The following PCNX2 variants were observed in gnomAD, a reference collection of about 807,000 sequenced individuals.
The protein encoded by PCNX2 is pecanex 2, also known as pecanex-like protein 2.
PCNX2 carries 168 observed loss-of-function variants against 223.8 expected under a neutral mutation model. That is an observed-to-expected ratio of 0.75 (90% confidence interval 0.66 to 0.85). The LOEUF (loss-of-function observed/expected upper bound fraction) is 0.85. Among genes scored for constraint, PCNX2 ranks in the 40% least tolerant of loss-of-function variants. The probability of loss-of-function intolerance (pLI) is 0.00; values close to 1 mark genes in which losing one functional copy is unlikely to be tolerated. For missense variants in PCNX2, 2,507 were observed against 2,675.5 expected, an observed-to-expected ratio of 0.94 and a Z score of 1.39; for synonymous variants, 1,006 against 1,052.6, an observed-to-expected ratio of 0.96 and a Z score of 0.86.
intron 23 of PCNX2, among the ~76,000 whole-genome samples, chr1:233,064,745 C>T: frequency 6.6e-6 from 1 of 152,018 alleles, no homozygotes. Context: ...AGGAATTTTA[C>T]CATCTATCAT....
At chr1:233,179,622 T>C (rs1679680936) in intron 15 of PCNX2, among the ~76,000 whole-genome samples, 1 of 152,220 alleles carries the variant, frequency 6.6e-6, no homozygotes, top group Non-Finnish European at 1.5e-5. Context: ...ATAAAGATTG[T>C]AGAAAGTAGA....
intron 7 of PCNX2, among the ~76,000 whole-genome samples, chr1:233,251,914 T>A (rs1659475960): frequency 6.6e-6 from 1 of 152,256 alleles, no homozygotes; most frequent in Non-Finnish European, 1.5e-5. Context: ...CAAGGTCAGG[T>A]GTGCAACACA....
intron 23 of PCNX2, among the ~76,000 whole-genome samples, chr1:233,076,242 A>C (rs1301865784): frequency 1.3e-5 from 2 of 152,236 alleles, no homozygotes; most frequent in African/African-American, 4.8e-5. Flanking sequence ...GTTGTGAGTG[A>C]AACTTCTCCT....
intron 5 of PCNX2, among the ~76,000 whole-genome samples, chr1:233,257,105 A>G (rs1227751859): frequency 6.6e-6 from 1 of 152,232 alleles, no homozygotes; most frequent in African/African-American, 2.4e-5. Context: ...ACATCATTTT[A>G]TCCATGAGGA....
intron 28 of PCNX2, among the ~76,000 whole-genome samples, chr1:233,010,244 C>T (rs182913859): frequency 4.5e-4 from 68 of 152,300 alleles, no homozygotes; most frequent in African/African-American, 1.4e-3. Flanking sequence ...TTCCTCAACA[C>T]GCTGTGGGTG....
chr1:233,025,070 T>G, intron 26 of PCNX2, 76 bp downstream of exon 26: 1 of 1,564,526 alleles, frequency 6.4e-7, no homozygotes, highest in East Asian at 2.3e-5. Flanking sequence ...AAATTTAGCT[T>G]TCGACAGAGC....
Position 233,295,402 on chromosome 1 carries a change from T to A in PCNX2, c.77A>T (p.Glu26Val). The A allele has an allele frequency of 6.4e-7, 1 of 1,554,098 alleles. No homozygotes were observed. Among genetic ancestry groups the A allele is most frequent in the Non-Finnish European group, 8.7e-7 (1 of 1,148,428 alleles). The change falls in exon 1 of 34, where the codon GAG becomes GTG. Residue 26 changes from glutamate (E) to valine (V), a missense_variant. Physicochemically the swap from Glu to Val is moderately radical, Grantham distance 121. Coordinates refer to ENST00000258229, the MANE Select transcript of PCNX2 (RefSeq NM_014801.4). The surrounding 1 kb of genome is among the most constrained non-coding windows in gnomAD (Gnocchi z 4.1). The stretch of plus-strand genomic sequence containing the variant: ...GCAGCTGTTGGTGAACTTGCTCTGC[T>A]CCGGGTCGTGGTACCAGCCCCCGGT... ...ALTGGWYHDP[E>V]QSKFTNSCHL...
intron 23 of PCNX2, among the ~76,000 whole-genome samples, chr1:233,069,944 A>G (rs997526581): frequency 6.6e-6 from 1 of 152,200 alleles, no homozygotes; most frequent in Non-Finnish European, 1.5e-5. Flanking sequence ...TGGTTCTTTG[A>G]GAATATCAAT....
At chr1:233,076,347 A>G (rs566149048) in intron 23 of PCNX2, among the ~76,000 whole-genome samples, 21 of 152,222 alleles carry the variant, frequency 1.4e-4, no homozygotes, top group Non-Finnish European at 2.8e-4. Flanking sequence ...GCATTTCCCC[A>G]TATAGCAAAA....
chr1:233,188,315 A>G (rs1388272570), intron 15 of PCNX2, among the ~76,000 whole-genome samples: 1 of 152,038 alleles, frequency 6.6e-6, no homozygotes, highest in Non-Finnish European at 1.5e-5. Flanking sequence ...GACCTGTTCT[A>G]GCTCCTAGAG....
intron 23 of PCNX2, among the ~76,000 whole-genome samples, chr1:233,064,455 T>C (rs1012579081): frequency 6.6e-6 from 1 of 152,208 alleles, no homozygotes; most frequent in Non-Finnish European, 1.5e-5. Context: ...GTGTTGGGTG[T>C]TTCACTTCTT....
chr1:233,196,043 A>G (rs1476983406), intron 15 of PCNX2, among the ~76,000 whole-genome samples: 1 of 152,228 alleles, frequency 6.6e-6, no homozygotes, highest in African/African-American at 2.4e-5. Flanking sequence ...TGCAGTAATA[A>G]AAACAATGTA....
At chr1:233,297,806 G>C (rs552131974), upstream of PCNX2, among the ~76,000 whole-genome samples, 1 of 152,142 alleles carries the variant, frequency 6.6e-6, no homozygotes, top group African/African-American at 2.4e-5. Context: ...TGACATGATC[G>C]ATAGTACAGG....
At chr1:233,016,446 C>T (rs1045868145) in intron 27 of PCNX2, among the ~76,000 whole-genome samples, 2 of 152,202 alleles carry the variant, frequency 1.3e-5, no homozygotes, top group African/African-American at 4.8e-5. Context: ...GCAGGATTCA[C>T]TTCCAGAAGT....
chr1:233,064,439 TTC>T (rs1367151819), intron 23 of PCNX2, among the ~76,000 whole-genome samples: 4 of 152,204 alleles, frequency 2.6e-5, no homozygotes, highest in African/African-American at 9.6e-5. Flanking sequence ...TTCTTGTTCC[TTC>T]TCTGTGTTGG....
chr1:233,160,010 A>G (rs1159853087), intron 19 of PCNX2, among the ~76,000 whole-genome samples: 1 of 152,218 alleles, frequency 6.6e-6, no homozygotes, highest in East Asian at 1.9e-4. Context: ...TAGCCAATTA[A>G]TATTTTTAAA....
intron 25 of PCNX2, among the ~76,000 whole-genome samples, chr1:233,053,654 G>T (rs1164593356): frequency 6.6e-6 from 1 of 152,136 alleles, no homozygotes; most frequent in East Asian, 1.9e-4. Context: ...GAAGGCAACA[G>T]GTACATCACT....
intron 8 of PCNX2, among the ~76,000 whole-genome samples, chr1:233,247,120 C>A (rs7553661): frequency 0.029 from 4,377 of 152,288 alleles, 210 homozygotes; most frequent in African/African-American, 0.099. Context: ...GATCGTCTGA[C>A]GGACATAGGA....
intron 1 of PCNX2, among the ~76,000 whole-genome samples, chr1:233,290,112 T>A (rs935220340): frequency 1.3e-5 from 2 of 150,770 alleles, no homozygotes; most frequent in African/African-American, 4.9e-5. Context: ...GAATATCCAA[T>A]TGGACCTTCA....
Sources: allele counts gnomAD v4.1 joint callset (sites outside exome capture counted in the v4.1 genomes callset), GRCh38; gene constraint gnomAD v4.1.1; non-coding constraint Gnocchi (gnomAD v3.1); transcripts MANE v1.5; gene names NCBI Gene and HGNC (gene_info 2026-07-23, HGNC 2026-07-21).